Variants in XRCC5 observed in about 807,000 individuals in gnomAD.
XRCC5 encodes DNA repair protein Ku80.
Under a neutral mutation model 95.7 loss-of-function variants are expected in XRCC5, and 12 were observed. That is an observed-to-expected ratio of 0.13 (90% CI 0.08 to 0.20). The LOEUF (loss-of-function observed/expected upper bound fraction) is 0.20. Ranked by LOEUF, XRCC5 falls within the 10% of genes least tolerant of loss-of-function variation. The probability of loss-of-function intolerance (pLI) is 1.00; values close to 1 mark genes in which losing one functional copy is unlikely to be tolerated. For synonymous variants in XRCC5, 281 were observed against 290.3 expected (o/e 0.97, Z 0.33); for missense variants, 595 against 873.9 (o/e 0.68, Z 4.02).
chr2:216,148,319 G>C, intron 14 of XRCC5, 43 bp downstream of exon 14: 1 of 1,556,980 alleles, frequency 6.4e-7, no homozygotes. Context: ...GGGTACATAA[G>C]AGTTGTGGTC....
intron 2 of XRCC5, among the ~76,000 whole-genome samples, chr2:216,115,005 G>C (rs756342515): frequency 6.7e-6 from 1 of 150,050 alleles, no homozygotes; most frequent in Non-Finnish European, 1.5e-5. Context: ...CGGTGGTTGG[G>C]GGGCGGGGCG....
chr2:216,158,263 C>T (rs1001254445), intron 14 of XRCC5, among the ~76,000 whole-genome samples: 9 of 152,140 alleles, frequency 5.9e-5, no homozygotes, highest in Non-Finnish European at 1.3e-4. Flanking sequence ...CATCATAGTG[C>T]TTTCCTAAGG....
At position 216,126,043 on chromosome 2, in the gene XRCC5, G is replaced by A. The variant is rs371802447; in HGVS notation, c.798+12G>A. On this transcript the variant is annotated intron_variant, in intron 7 of 20. Coordinates refer to ENST00000392132, the MANE Select transcript of XRCC5 (RefSeq NM_021141.4). ...CAGCCTATAAATCGGTAAGTGGCAG[G>A]TACACATTTTTAACAGAAATGTTAC... 941 of 1,597,948 alleles carry A rather than the reference G, an allele frequency of 5.9e-4. 7 individuals are homozygous for A. The South Asian group carries it at 9.4e-3, about 16-fold the overall frequency.
chr2:216,113,171 A>G (rs1334372322), intron 2 of XRCC5, 42 bp downstream of exon 2: 4 of 1,540,970 alleles, frequency 2.6e-6, no homozygotes, highest in Admixed American at 3.4e-5. Flanking sequence ...CCATGTTTGA[A>G]CTGCTTGTTG....
chr2:216,137,815 C>G (rs1291930861), intron 11 of XRCC5, among the ~76,000 whole-genome samples: 1 of 152,130 alleles, frequency 6.6e-6, no homozygotes, highest in Non-Finnish European at 1.5e-5. Context: ...TCTGGTCACC[C>G]TAGTCTTCTC....
At chr2:216,133,058 A>C (rs565894804) in intron 10 of XRCC5, among the ~76,000 whole-genome samples, 1 of 152,304 alleles carries the variant, frequency 6.6e-6, no homozygotes, top group Middle Eastern at 3.4e-3. Context: ...GGGTGGGGGT[A>C]GGGTGGTGGT....
chr2:216,183,211 A>T (rs564029984), intron 16 of XRCC5, among the ~76,000 whole-genome samples: 1 of 152,350 alleles, frequency 6.6e-6, no homozygotes, highest in East Asian at 1.9e-4. Flanking sequence ...AGCTAGCTCA[A>T]ATAAAAACAG....
At chr2:216,191,752 A>G (rs1203339390) in intron 17 of XRCC5, among the ~76,000 whole-genome samples, 1 of 152,156 alleles carries the variant, frequency 6.6e-6, no homozygotes, top group Non-Finnish European at 1.5e-5. Flanking sequence ...AGTTTTATGG[A>G]ACAATTAGGA....
intron 16 of XRCC5, among the ~76,000 whole-genome samples, chr2:216,185,157 G>C (rs1689472741): frequency 6.6e-6 from 1 of 152,104 alleles, no homozygotes; most frequent in African/African-American, 2.4e-5. Context: ...GATGCTAAGG[G>C]TTTCTTGCTG....
chr2:216,130,603 T>C (rs575662668), intron 8 of XRCC5: 1 of 271,598 alleles, frequency 3.7e-6, no homozygotes, highest in Non-Finnish European at 6.8e-6. Flanking sequence ...TCTTTTAGGC[T>C]GGGTAATCAT....
intron 13 of XRCC5, among the ~76,000 whole-genome samples, chr2:216,146,892 C>T (rs1688647045): frequency 6.6e-6 from 1 of 152,148 alleles, no homozygotes; most frequent in Non-Finnish European, 1.5e-5. Flanking sequence ...TGTTATCGGC[C>T]AGGTGCTTAT....
chr2:216,159,671 C>G (rs1688913178), intron 14 of XRCC5, among the ~76,000 whole-genome samples: 1 of 152,204 alleles, frequency 6.6e-6, no homozygotes, highest in Non-Finnish European at 1.5e-5. Flanking sequence ...AAGCTAATAG[C>G]TGTCAATTCT....
chr2:216,175,637 A>G, intron 16 of XRCC5: 2 of 409,880 alleles, frequency 4.9e-6, no homozygotes, highest in South Asian at 2.0e-5. Context: ...TAATACCACC[A>G]GCAAAAATGT....
At chr2:216,194,442 CAAG>C (rs1363728254) in intron 18 of XRCC5, among the ~76,000 whole-genome samples, 3 of 152,090 alleles carry the variant, frequency 2.0e-5, no homozygotes, top group African/African-American at 7.2e-5. Context: ...TAAAATACGA[CAAG>C]AGCCATTTCA....
In XRCC5 at chr2:216,109,597, G is replaced by A. The variant is rs2105996053; in HGVS notation, c.21+140G>A. On this transcript the variant is annotated intron_variant, in intron 1 of 20. Coordinates refer to ENST00000392132, the MANE Select transcript of XRCC5 (RefSeq NM_021141.4). ...CATGGTGGTGGGCTCAGTCAGGAGG[G>A]CCGGGACCGAGGGATGCGCTATGAG... The A allele has an allele frequency of 6.1e-6, 8 of 1,314,912 alleles. No homozygotes were observed. The East Asian group carries it at 1.1e-4, about 17-fold the overall frequency. The allele number at this position is 1,314,912 out of a possible 1,614,324, so 81.5% of individuals were successfully genotyped here.
At chr2:216,141,344 C>T (rs1697166095) in intron 13 of XRCC5, 25 bp downstream of exon 13, 4 of 1,613,120 alleles carry the variant, frequency 2.5e-6, no homozygotes, top group Non-Finnish European at 2.5e-6. Context: ...ATGAACAAGT[C>T]ATATTTCTTT....
intron 8 of XRCC5, 103 bp from the exon 9 acceptor site, chr2:216,130,772 C>T: frequency 1.5e-6 from 1 of 665,864 alleles, no homozygotes; most frequent in Non-Finnish European, 2.5e-6. Flanking sequence ...TGGAGGCTTG[C>T]TCTGGCGTGT....
chr2:216,121,432 A>T (rs1487266984), intron 5 of XRCC5, among the ~76,000 whole-genome samples: 2 of 152,230 alleles, frequency 1.3e-5, no homozygotes, highest in African/African-American at 4.8e-5. Context: ...GTGTCTGCTG[A>T]GAGATCTTTG....
At chr2:216,135,339 A>C (rs995425541) in intron 10 of XRCC5, among the ~76,000 whole-genome samples, 1 of 152,124 alleles carries the variant, frequency 6.6e-6, no homozygotes, top group Non-Finnish European at 1.5e-5. Flanking sequence ...TCTAGCTAGG[A>C]GGTAATGGTA....
Sources: gnomAD v4.1 joint callset for allele counts (sites outside exome capture counted in the v4.1 genomes callset) on GRCh38, gnomAD v4.1.1 for gene constraint, MANE v1.5 for transcripts, NCBI Gene and HGNC (gene_info 2026-07-23, HGNC 2026-07-21) for gene names.